Variants in RFX8 observed in about 807,000 individuals in gnomAD.
RFX8 encodes the protein regulatory factor X8.
A neutral mutation model predicts 54.6 loss-of-function variants in RFX8; 46 were observed. The ratio of observed to expected loss-of-function variants is 0.84; its 90% CI spans 0.67 to 1.08. The LOEUF (loss-of-function observed/expected upper bound fraction) is 1.08, where lower values mean the gene tolerates loss of function less well. Ranked by LOEUF, RFX8 falls within the 50% of genes least tolerant of loss-of-function variation. The probability of loss-of-function intolerance (pLI) is 0.00; values close to 1 mark genes in which losing one functional copy is unlikely to be tolerated. For synonymous variants in RFX8, 192 were observed against 209.5 expected (o/e 0.92, Z 0.72); for missense variants, 536 against 562.3 (o/e 0.95, Z 0.47).
rs17025695 is a variant in RFX8 at position 101,474,655 on chromosome 2, C to T, written c.-72G>A. 5,059 of 176,554 alleles carry T rather than the reference C, an allele frequency of 0.029. 251 individuals carry two copies. Among genetic ancestry groups the T allele is most frequent in the African/African-American group, 0.11 (4,630 of 42,514 alleles). 10.9% of individuals were successfully genotyped at this position (176,554 alleles called of 1,614,324 possible). A position where few individuals can be genotyped will look rare whatever the true frequency, so the allele number is the denominator to read the frequency against. On this transcript the variant is annotated 5_prime_UTR_variant, in exon 1 of 12. Coordinates refer to ENST00000428343, the MANE Select transcript of RFX8 (RefSeq NM_001145664.2). ...ACTTACACCTTTTCCAATCTGGTCG[C>T]GGTGTTGAGTCCGTGGGTGTCCTTG...
chr2:101,411,649 C>T (rs948216126), intron 8 of RFX8, among the ~76,000 whole-genome samples: 1 of 152,040 alleles, frequency 6.6e-6, no homozygotes, highest in Non-Finnish European at 1.5e-5. Context: ...AGTAATCCTA[C>T]TAATAGTTCT....
chr2:101,412,783 G>A, intron 8 of RFX8, 132 bp downstream of exon 8: 1 of 915,506 alleles, frequency 1.1e-6, no homozygotes, highest in South Asian at 1.8e-5. Flanking sequence ...AGAGAAGTGT[G>A]AGCAGACAAC....
At chr2:101,449,874 AC>A (rs1433480049) in intron 2 of RFX8, among the ~76,000 whole-genome samples, 1 of 151,934 alleles carries the variant, frequency 6.6e-6, no homozygotes, top group African/African-American at 2.4e-5. Context: ...AGAGCAGGAG[AC>A]CAAGGATTCA....
chr2:101,461,785 C>T (rs2056064), intron 2 of RFX8, among the ~76,000 whole-genome samples: 52,221 of 151,640 alleles, frequency 0.34, 9,612 homozygotes, highest in African/African-American at 0.44. Context: ...ATAGGAAATA[C>T]GCCGCAATAG....
chr2:101,410,817 GCTCGAAGGGA>G, intron 8 of RFX8, 104 bp from the exon 9 acceptor site: 1 of 647,034 alleles, frequency 1.5e-6, no homozygotes, highest in Middle Eastern at 3.3e-4. Context: ...CTGAACAATA[GCTCGAAGGGA>G]CTCCCCAGGG....
chr2:101,423,183 G>C (rs541486615), intron 2 of RFX8, among the ~76,000 whole-genome samples: 2 of 151,422 alleles, frequency 1.3e-5, no homozygotes, highest in African/African-American at 2.4e-5. Context: ...GCTTGAGCCC[G>C]GGAAATGGAG....
At chr2:101,450,532 T>G in intron 2 of RFX8, 1 of 813,236 alleles carries the variant, frequency 1.2e-6, no homozygotes, top group Non-Finnish European at 2.0e-6. Flanking sequence ...TTGGCCTGAA[T>G]GGTTCTAACA....
intron 2 of RFX8, among the ~76,000 whole-genome samples, chr2:101,437,177 C>T (rs903454760): frequency 1.3e-5 from 2 of 152,172 alleles, no homozygotes; most frequent in East Asian, 1.9e-4. Flanking sequence ...CAGTGGCTCA[C>T]GCCTGTAATC....
In RFX8 at chr2:101,460,544, G is replaced by GGTTCATGACAAGCGTGGC. The variant is rs541275768; in HGVS notation, c.72+6215_72+6232dup. Among the ~76,000 whole-genome samples, 79 of 152,278 alleles carry GGTTCATGACAAGCGTGGC rather than the reference G, an allele frequency of 5.2e-4. 2 individuals are homozygous for GGTTCATGACAAGCGTGGC. The South Asian group carries it at 0.016, about 31-fold the overall frequency. ...TCTGGTCTAGTTTCCGAATCAGCGA[G>GGTTCATGACAAGCGTGGC]GTTCATGACAAGCGTGGCATCCATG... On this transcript the variant is annotated intron_variant, in intron 2 of 11. Coordinates refer to ENST00000428343, the MANE Select transcript of RFX8 (RefSeq NM_001145664.2).
At chr2:101,445,142 A>G (rs1688301686) in intron 2 of RFX8, among the ~76,000 whole-genome samples, 1 of 152,134 alleles carries the variant, frequency 6.6e-6, no homozygotes, top group Non-Finnish European at 1.5e-5. Context: ...TAGTCTCTCT[A>G]ACCTCTACCT....
At chr2:101,415,058 C>T in intron 6 of RFX8, 146 bp from the exon 7 acceptor site, 1 of 623,356 alleles carries the variant, frequency 1.6e-6, no homozygotes, top group South Asian at 1.9e-5. Flanking sequence ...CTGGCCCTCT[C>T]TGAGTGGCTA....
chr2:101,468,914 G>A (rs543178461), intron 1 of RFX8, among the ~76,000 whole-genome samples: 9 of 148,036 alleles, frequency 6.1e-5, no homozygotes, highest in Admixed American at 2.7e-4. Flanking sequence ...GATACCTATC[G>A]ATGGGATGGT....
chr2:101,446,222 C>T lies in RFX8; in HGVS notation c.72+20555G>A, dbSNP rs545066547. Among the ~76,000 whole-genome samples, 17 of 152,282 alleles carry T rather than the reference C, an allele frequency of 1.1e-4. No individual in the cohort carries two copies. In the South Asian group the frequency reaches 3.3e-3, roughly 30 times the overall value. ...ATGGTGTCTCACTCTGTCACCCAGG[C>T]TGGAGTGCAGTGGCGTGATCTCAGC... On this transcript the variant is annotated intron_variant, in intron 2 of 11. Transcript: ENST00000428343.
intron 10 of RFX8, among the ~76,000 whole-genome samples, chr2:101,404,107 T>C (rs776605187): frequency 6.6e-6 from 1 of 152,222 alleles, no homozygotes; most frequent in East Asian, 1.9e-4. Context: ...AAGGTAGAGA[T>C]AACCCAGAAG....
In RFX8 at chr2:101,412,926, G is replaced by T. The variant is rs1279292912; in HGVS notation, c.707C>A (p.Pro236Gln). The T allele has an allele frequency of 4.5e-6, 7 of 1,550,570 alleles. No individual in the cohort carries two copies. Among genetic ancestry groups the T allele is most frequent in the Non-Finnish European group, 6.1e-6 (7 of 1,146,672 alleles). The change falls in exon 8 of 12, where the codon CCA (proline) becomes CAA (glutamine). Residue 236 changes from proline (P) to glutamine (Q), a missense_variant. Pro to Gln is a moderately conservative substitution (Grantham distance 76, BLOSUM62 -1). Transcript: ENST00000428343. ...AGAAGGAAGATTACATTTCATCTCT[G>T]GGTTGTTCTCCAGTTCATCTGCGCC... The part of the protein sequence containing the change: ...RSGADELENN[P>Q]EMKCLRNLIS...
At chr2:101,401,742 C>T (rs1685455964) in intron 11 of RFX8, among the ~76,000 whole-genome samples, 1 of 152,138 alleles carries the variant, frequency 6.6e-6, no homozygotes, top group Non-Finnish European at 1.5e-5. Context: ...GTCCTGCACT[C>T]CTCAGGGCAT....
chr2:101,452,598 T>G lies in RFX8; in HGVS notation c.72+14179A>C, dbSNP rs1451356104. 3.9e-5 allele frequency among the ~76,000 whole-genome samples: 6 copies of G among 152,190 alleles called. No homozygotes were observed. The East Asian group carries it at 1.2e-3, about 29-fold the overall frequency. ...TAAATATAATAATAAAGTAATAAGGTAACAATAAAGAAAATAAATGTAAAT... is the reference window on the plus strand; with the variant it reads ...TAAATATAATAATAAAGTAATAAGGGAACAATAAAGAAAATAAATGTAAAT... On this transcript the variant is annotated intron_variant, in intron 2 of 11. Coordinates refer to ENST00000428343, the MANE Select transcript of RFX8 (RefSeq NM_001145664.2).
At chr2:101,399,056 C>T (rs534139758) in intron 11 of RFX8, among the ~76,000 whole-genome samples, 5 of 152,176 alleles carry the variant, frequency 3.3e-5, no homozygotes, top group Non-Finnish European at 5.9e-5. Flanking sequence ...TAGTTTTTCA[C>T]TTTGTTCTTA....
At chr2:101,401,779 G>A (rs890308398) in intron 11 of RFX8, among the ~76,000 whole-genome samples, 3 of 152,174 alleles carry the variant, frequency 2.0e-5, no homozygotes, top group African/African-American at 4.8e-5. Context: ...TAGGGTTGTA[G>A]GTGAAGAATG....
Sources: allele counts gnomAD v4.1 joint callset (sites outside exome capture counted in the v4.1 genomes callset), GRCh38; gene constraint gnomAD v4.1.1; transcripts MANE v1.5; gene names NCBI Gene and HGNC (gene_info 2026-07-23, HGNC 2026-07-21).